The following MDGA2 variants were observed in gnomAD, a reference collection of about 807,000 sequenced individuals.
MDGA2 encodes MAM domain-containing glycosylphosphatidylinositol anchor protein 2.
A neutral mutation model predicts 117.8 loss-of-function variants in MDGA2; 40 were observed. The ratio of observed to expected loss-of-function variants is 0.34; its 90% CI spans 0.26 to 0.44. The LOEUF is 0.44. Among genes scored for constraint, MDGA2 ranks in the 20% least tolerant of loss-of-function variants. The pLI, the probability that MDGA2 is intolerant of heterozygous loss-of-function variation, is 1.00. For synonymous variants in MDGA2, 452 were observed against 439.0 expected (o/e 1.03, Z -0.37); for missense variants, 1,123 against 1,250.6 (o/e 0.90, Z 1.54).
intron 1 of MDGA2, among the ~76,000 whole-genome samples, chr14:47,444,995 GT>G (rs1360866595): frequency 1.3e-5 from 2 of 152,134 alleles, no homozygotes. Flanking sequence ...AAATTAATAA[GT>G]CAGAGATTAA....
intron 1 of MDGA2, among the ~76,000 whole-genome samples, chr14:47,445,717 A>T (rs1038968076): frequency 1.3e-5 from 2 of 152,162 alleles, no homozygotes; most frequent in African/African-American, 4.8e-5. Flanking sequence ...TAGTGACAAT[A>T]AGAAAATGAA....
At chr14:47,674,378 G>T in intron 1 of MDGA2, 139 bp downstream of exon 1, 2 of 710,596 alleles carry the variant, frequency 2.8e-6, no homozygotes, top group Non-Finnish European at 4.6e-6. Context: ...CCTCTTTATC[G>T]CTCCCAATAA....
intron 1 of MDGA2, among the ~76,000 whole-genome samples, chr14:47,427,075 A>G (rs1025353137): frequency 1.3e-5 from 2 of 152,170 alleles, no homozygotes; most frequent in African/African-American, 4.8e-5. Context: ...TTGTTTCTAA[A>G]TTGACAGTGT....
intron 1 of MDGA2, among the ~76,000 whole-genome samples, chr14:47,389,589 AACACACACACACACACCC>A (rs1297107641): frequency 0.011 from 1,404 of 130,586 alleles, 18 homozygotes; most frequent in African/African-American, 0.029. Flanking sequence ...TTTGCAGGAA[AACACACACACACACACCC>A]ACACACACAC....
At chr14:47,354,759 T>G (rs1428705173) in intron 1 of MDGA2, among the ~76,000 whole-genome samples, 1 of 152,194 alleles carries the variant, frequency 6.6e-6, no homozygotes, top group Non-Finnish European at 1.5e-5. Flanking sequence ...TGTCTTTGGC[T>G]GGTTGGTGCC....
chr14:47,192,178 GAAACA>G (rs1171270554), intron 3 of MDGA2, among the ~76,000 whole-genome samples: 5 of 152,124 alleles, frequency 3.3e-5, no homozygotes, highest in African/African-American at 1.2e-4. Context: ...GACAAGAAGA[GAAACA>G]ATTGCTTTTC....
intron 9 of MDGA2, among the ~76,000 whole-genome samples, chr14:46,937,924 A>C (rs1260251179): frequency 6.6e-6 from 1 of 151,974 alleles, no homozygotes; most frequent in East Asian, 1.9e-4. Context: ...TCAAAAACAC[A>C]GGCAACAAAA....
In MDGA2 at chr14:46,884,402, CATT is replaced by C. The variant is rs1325430233; in HGVS notation, c.2239-2184_2239-2182del. ...ATGTACACACACATACACATGTACA[CATT>C]ATATGCACAGGTACACACACATACA... is the stretch of plus-strand genomic sequence containing the variant. On this transcript the variant is annotated intron_variant, in intron 10 of 16. Transcript: ENST00000399232. This position sits in a 1 kb window ranked among gnomAD's most constrained non-coding sequence, Gnocchi z 4.1. Among the ~76,000 whole-genome samples the C allele has an allele frequency of 6.6e-6, 1 of 152,098 alleles. No individual in the cohort carries two copies. The highest frequency in any genetic ancestry group is 1.5e-5 in the Non-Finnish European group (1 of 68,006).
chr14:47,102,765 G>T (rs1019873793), intron 5 of MDGA2, among the ~76,000 whole-genome samples: 2 of 152,128 alleles, frequency 1.3e-5, no homozygotes, highest in Non-Finnish European at 2.9e-5. Context: ...TATTCTCTGG[G>T]CCTTAACTTT....
rs78291319 is a variant in MDGA2 at position 47,049,979 on chromosome 14, C to T, written c.1525+11270G>A. Reference sequence around the variant, plus strand: ...TTGGGCTAAATTTCACCCAACAGGACTTGCCAGGCTCCAATTCCTTAGTCA... The same window carrying T: ...TTGGGCTAAATTTCACCCAACAGGATTTGCCAGGCTCCAATTCCTTAGTCA... On this transcript the variant is annotated intron_variant, in intron 7 of 16. Transcript: ENST00000399232. 2.7e-3 allele frequency among the ~76,000 whole-genome samples: 414 copies of T among 152,100 alleles called. 1 individual carries two copies. Among genetic ancestry groups the T allele is most frequent in the African/African-American group, 9.5e-3 (394 of 41,526 alleles).
At chr14:47,628,447 A>G (rs1276910999) in intron 1 of MDGA2, among the ~76,000 whole-genome samples, 1 of 152,178 alleles carries the variant, frequency 6.6e-6, no homozygotes, top group African/African-American at 2.4e-5. Context: ...TTGTTTAATG[A>G]ATTTAAAGTC....
intron 5 of MDGA2, among the ~76,000 whole-genome samples, chr14:47,128,513 G>C (rs1882019473): frequency 6.6e-6 from 1 of 151,758 alleles, no homozygotes; most frequent in African/African-American, 2.4e-5. Context: ...TAGTTATAAG[G>C]CACAATACAT....
At chr14:47,392,784 T>C (rs1313733435) in intron 1 of MDGA2, among the ~76,000 whole-genome samples, 1 of 151,996 alleles carries the variant, frequency 6.6e-6, no homozygotes, top group Non-Finnish European at 1.5e-5. Context: ...AAAGAAAAAA[T>C]ATCTGTTGAA....
chr14:47,515,734 C>CCT, intron 1 of MDGA2, among the ~76,000 whole-genome samples: 1 of 151,976 alleles, frequency 6.6e-6, no homozygotes, highest in Non-Finnish European at 1.5e-5. Flanking sequence ...TAAAAAAAGG[C>CCT]CCAACTTTGA....
chr14:47,655,075 C>T (rs1280371675), intron 1 of MDGA2, among the ~76,000 whole-genome samples: 13 of 152,036 alleles, frequency 8.6e-5, no homozygotes, highest in Admixed American at 7.2e-4. Context: ...ATTTTATAGT[C>T]CTCATTGTGC....
At chr14:47,511,978 A>C (rs146028369) in intron 1 of MDGA2, among the ~76,000 whole-genome samples, 93 of 152,286 alleles carry the variant, frequency 6.1e-4, no homozygotes, top group African/African-American at 2.1e-3. Context: ...TACATATTCC[A>C]AATTGCTCTA....
At chr14:46,847,784 G>T (rs1880899536) in intron 15 of MDGA2, among the ~76,000 whole-genome samples, 1 of 151,946 alleles carries the variant, frequency 6.6e-6, no homozygotes, top group African/African-American at 2.4e-5. Context: ...CAAGGCTGAG[G>T]TGACTACGTT....
At chr14:47,655,495 A>G (rs1897725860) in intron 1 of MDGA2, among the ~76,000 whole-genome samples, 1 of 152,152 alleles carries the variant, frequency 6.6e-6, no homozygotes, top group Admixed American at 6.6e-5. Context: ...GAATAAGCAA[A>G]AAGTGGCAAG....
At chr14:47,040,151 G>C (rs1020196619) in intron 7 of MDGA2, among the ~76,000 whole-genome samples, 1 of 151,996 alleles carries the variant, frequency 6.6e-6, no homozygotes, top group Non-Finnish European at 1.5e-5. Flanking sequence ...CTCTCACATA[G>C]AGAAACACAG....
Sources: allele counts gnomAD v4.1 joint callset (sites outside exome capture counted in the v4.1 genomes callset), GRCh38; gene constraint gnomAD v4.1.1; non-coding constraint Gnocchi (gnomAD v3.1); transcripts MANE v1.5; gene names NCBI Gene and HGNC (gene_info 2026-07-23, HGNC 2026-07-21).